GMCL1: variants seen among roughly 807,000 people sequenced by gnomAD.
The protein encoded by GMCL1 is germ cell-less protein-like 1.
In GMCL1, 54 loss-of-function variants were observed where a neutral mutation model predicts 75.5. That is an observed-to-expected ratio of 0.71 (90% CI 0.57 to 0.90). The LOEUF is 0.90. Among genes scored for constraint, GMCL1 ranks in the 40% least tolerant of loss-of-function variants. The pLI is 0.00. For missense variants in GMCL1, 537 were observed against 622.7 expected (o/e 0.86, Z 1.47); for synonymous variants, 210 against 209.6 (o/e 1.00, Z -0.02).
intron 11 of GMCL1, among the ~76,000 whole-genome samples, chr2:69,868,568 T>TTTTTTTATTC (rs1675885962): frequency 6.6e-6 from 1 of 151,466 alleles, no homozygotes; most frequent in Non-Finnish European, 1.5e-5. Flanking sequence ...TATTTTTATT[T>TTTTTTTATTC]TTTTTTATTC....
intron 10 of GMCL1, among the ~76,000 whole-genome samples, chr2:69,862,266 T>A (rs1456032193): frequency 1.3e-5 from 2 of 152,176 alleles, no homozygotes; most frequent in African/African-American, 2.4e-5. Context: ...CTCTTTGAAC[T>A]CATTTTTATA....
chr2:69,854,142 T>C (rs1455649849), intron 8 of GMCL1, among the ~76,000 whole-genome samples: 1 of 147,846 alleles, frequency 6.8e-6, no homozygotes, highest in Non-Finnish European at 1.5e-5. Context: ...TTATTATTAT[T>C]ATTATTATCA....
chr2:69,831,590 GTTT>G (rs879897499), intron 1 of GMCL1, among the ~76,000 whole-genome samples: 1 of 150,552 alleles, frequency 6.6e-6, no homozygotes, highest in African/African-American at 2.4e-5. Context: ...GTGTAGCATA[GTTT>G]TTTTTTCCTT....
At chr2:69,862,320 A>G (rs1179952833) in intron 10 of GMCL1, among the ~76,000 whole-genome samples, 1 of 152,166 alleles carries the variant, frequency 6.6e-6, no homozygotes, top group African/African-American at 2.4e-5. Context: ...ATAAGTTTTC[A>G]TCCTAACAGT....
rs1374634896 is a variant in GMCL1, at chr2:69,880,898, C to G, written c.*1894C>G. The G allele has an allele frequency of 1.3e-5, 2 of 149,138 alleles. No homozygotes were observed. Among genetic ancestry groups the G allele is most frequent in the Non-Finnish European group, 1.5e-5 (1 of 67,390 alleles). 9.2% of individuals were successfully genotyped at this position (149,138 alleles called of 1,614,324 possible). ...CTACTGTACTTATTTTTATATTTGA[C>G]TACATTAGGTCTTTTTCACGGGAAG... On this transcript the variant is annotated 3_prime_UTR_variant, in exon 14 of 14. Transcript: ENST00000282570.
At chr2:69,866,917 T>C (rs1675832872) in intron 11 of GMCL1, among the ~76,000 whole-genome samples, 1 of 152,014 alleles carries the variant, frequency 6.6e-6, no homozygotes, top group African/African-American at 2.4e-5. Context: ...GTGGCCATAA[T>C]TCACTGAGTT....
intron 13 of GMCL1, among the ~76,000 whole-genome samples, chr2:69,877,236 C>T (rs1033031377): frequency 2.0e-5 from 3 of 152,132 alleles, no homozygotes; most frequent in African/African-American, 4.8e-5. Context: ...AAGCTCGGAT[C>T]GACCTATCCT....
chr2:69,858,404 C>G (rs963970973), intron 9 of GMCL1, among the ~76,000 whole-genome samples: 2 of 152,166 alleles, frequency 1.3e-5, no homozygotes, highest in Non-Finnish European at 2.9e-5. Flanking sequence ...ATTTAGTCTA[C>G]TTAGTCAAAG....
At chr2:69,856,762 T>A (rs1247067669) in intron 9 of GMCL1, among the ~76,000 whole-genome samples, 1 of 146,130 alleles carries the variant, frequency 6.8e-6, no homozygotes, top group Non-Finnish European at 1.5e-5. Flanking sequence ...CCTAGCCCCC[T>A]CAGTGTGCAC....
intron 13 of GMCL1, among the ~76,000 whole-genome samples, chr2:69,874,757 T>TTC (rs1676077174): frequency 6.7e-6 from 1 of 149,686 alleles, no homozygotes; most frequent in Non-Finnish European, 1.5e-5. Context: ...TTTTTTTTTT[T>TTC]CCGAGACAGG....
chr2:69,864,380 A>G (rs1675746921), intron 10 of GMCL1, among the ~76,000 whole-genome samples: 1 of 151,920 alleles, frequency 6.6e-6, no homozygotes, highest in Admixed American at 6.6e-5. Context: ...CTCTTAGTTG[A>G]TTAAGGTTTT....
At chr2:69,841,110 C>A in intron 4 of GMCL1, 71 bp downstream of exon 4, 26 of 990,872 alleles carry the variant, frequency 2.6e-5, no homozygotes, top group South Asian at 7.8e-5. Context: ...ACTCCAAAAA[C>A]AAAAATAAAG....
chr2:69,856,642 T>G (rs1230382101), intron 9 of GMCL1, among the ~76,000 whole-genome samples: 3 of 34,132 alleles, frequency 8.8e-5, no homozygotes, highest in East Asian at 1.4e-3. Flanking sequence ...CTTCCCTCCT[T>G]TTTTTTTTTT....
chr2:69,861,989 G>A (rs1675665305), intron 10 of GMCL1, among the ~76,000 whole-genome samples: 1 of 151,874 alleles, frequency 6.6e-6, no homozygotes, highest in Admixed American at 6.6e-5. Flanking sequence ...GGGGGATAAA[G>A]TGAGACTCAG....
intron 11 of GMCL1, among the ~76,000 whole-genome samples, chr2:69,867,509 C>G (rs746176814): frequency 1.3e-5 from 2 of 152,218 alleles, no homozygotes; most frequent in Non-Finnish European, 2.9e-5. Flanking sequence ...TAACTCCATT[C>G]TGGATATACA....
chr2:69,869,014 A>G (rs139175622), intron 11 of GMCL1, among the ~76,000 whole-genome samples: 5 of 151,566 alleles, frequency 3.3e-5, no homozygotes, highest in Admixed American at 6.6e-5. Flanking sequence ...GCACTTTGGG[A>G]GGCCGAGGCG....
intron 4 of GMCL1, among the ~76,000 whole-genome samples, chr2:69,841,830 A>G (rs1292793160): frequency 6.6e-6 from 1 of 152,212 alleles, no homozygotes; most frequent in East Asian, 1.9e-4. Context: ...AGAGCATTTC[A>G]GACAGAGAGA....
At chr2:69,850,921 AT>A (rs1675300966) in intron 8 of GMCL1, among the ~76,000 whole-genome samples, 1 of 152,158 alleles carries the variant, frequency 6.6e-6, no homozygotes, top group East Asian at 1.9e-4. Flanking sequence ...CTTAATTTTA[AT>A]GTCCTTTATA....
intron 2 of GMCL1, among the ~76,000 whole-genome samples, chr2:69,839,128 C>G (rs550484588): frequency 7.6e-6 from 1 of 131,566 alleles, no homozygotes; most frequent in South Asian, 2.1e-4. Context: ...TATAGCCATT[C>G]AGGTGTACAG....
Sources: allele counts gnomAD v4.1 joint callset (sites outside exome capture counted in the v4.1 genomes callset), GRCh38; gene constraint gnomAD v4.1.1; transcripts MANE v1.5; gene names NCBI Gene and HGNC (gene_info 2026-07-23, HGNC 2026-07-21).